Variants in DOCK8 observed in about 807,000 individuals in gnomAD.
DOCK8 encodes the protein dedicator of cytokinesis 8.
DOCK8 carries 141 observed loss-of-function variants against 245.6 expected under a neutral mutation model. That is an observed-to-expected ratio of 0.57 (90% confidence interval 0.50 to 0.66). The LOEUF (loss-of-function observed/expected upper bound fraction) is 0.66, where lower values mean the gene tolerates loss of function less well. DOCK8 is among the 30% of genes least tolerant of loss of function. The probability of loss-of-function intolerance (pLI) is 0.00; values close to 1 mark genes in which losing one functional copy is unlikely to be tolerated. For missense variants in DOCK8, 2,965 were observed against 2,603.4 expected (o/e 1.14, Z -3.02); for synonymous variants, 1,168 against 970.2 (o/e 1.20, Z -3.79).
intron 5 of DOCK8, among the ~76,000 whole-genome samples, chr9:309,583 A>G (rs1006025407): frequency 6.6e-6 from 1 of 152,218 alleles, no homozygotes; most frequent in African/African-American, 2.4e-5. Flanking sequence ...TCCTAATGGA[A>G]TAAAACATCC....
chr9:263,035 C>G (rs921220071), intron 1 of DOCK8, among the ~76,000 whole-genome samples: 1 of 152,076 alleles, frequency 6.6e-6, no homozygotes, highest in African/African-American at 2.4e-5. Context: ...GGTGAAACCC[C>G]GTCTTTACTA....
At chr9:412,947 A>G (rs1418609220) in intron 28 of DOCK8, among the ~76,000 whole-genome samples, 3 of 151,648 alleles carry the variant, frequency 2.0e-5, no homozygotes, top group Non-Finnish European at 4.4e-5. Flanking sequence ...GACCCAGTAT[A>G]GCCAAAACAA....
intron 28 of DOCK8, among the ~76,000 whole-genome samples, chr9:414,406 C>G (rs2055890808): frequency 6.6e-6 from 1 of 152,228 alleles, no homozygotes; most frequent in South Asian, 2.1e-4. Context: ...ACAGCAGACC[C>G]AGGGTTAGAA....
intron 32 of DOCK8, among the ~76,000 whole-genome samples, chr9:421,648 G>A (rs1419320004): frequency 6.6e-6 from 1 of 152,170 alleles, no homozygotes; most frequent in Non-Finnish European, 1.5e-5. Flanking sequence ...AAGTAAAACA[G>A]AGTGACAGCT....
chr9:222,699 C>A (rs1332735585), intron 1 of DOCK8, among the ~76,000 whole-genome samples: 1 of 152,160 alleles, frequency 6.6e-6, no homozygotes, highest in African/African-American at 2.4e-5. Flanking sequence ...TACATGCAAC[C>A]ATAAATGGTG....
chr9:274,339 A>G (rs183289393), intron 2 of DOCK8, among the ~76,000 whole-genome samples: 2 of 152,134 alleles, frequency 1.3e-5, no homozygotes, highest in East Asian at 1.9e-4. Flanking sequence ...AGAATATATT[A>G]CTCCCAGTTA....
intron 34 of DOCK8, 64 bp downstream of exon 34, chr9:427,045 T>A (rs942062903): frequency 2.9e-6 from 4 of 1,383,330 alleles, no homozygotes; most frequent in Non-Finnish European, 4.1e-6. Context: ...AATAAGGACT[T>A]CTTTATGCAA....
Position 386,556 on chromosome 9 carries a change from C to G in DOCK8, c.2874+130C>G, listed in dbSNP as rs7862253. Reference sequence around the variant, plus strand: ...CCCTGATGTGCTAACACACACACACCCCACACACACTTTTGCAGCCCTGTC... The same window carrying G: ...CCCTGATGTGCTAACACACACACACGCCACACACACTTTTGCAGCCCTGTC... On this transcript the variant is annotated intron_variant, in intron 23 of 47. Transcript: ENST00000432829. 4.0e-6 allele frequency: 3 copies of G among 757,372 alleles called. No individual in the cohort carries two copies. In the South Asian group the frequency reaches 4.4e-5, roughly 11 times the overall value. 46.9% of individuals were successfully genotyped at this position (757,372 alleles called of 1,614,324 possible). A position where few individuals can be genotyped will look rare whatever the true frequency, so the allele number is the denominator to read the frequency against.
chr9:331,158 C>G (rs10970790), intron 9 of DOCK8, among the ~76,000 whole-genome samples: 3,087 of 152,302 alleles, frequency 0.02, 38 homozygotes, highest in Middle Eastern at 0.061. Context: ...AGAATGGGGG[C>G]AGTGTTTATC....
At chr9:369,840 T>C (rs2053202425) in intron 15 of DOCK8, 1 of 255,772 alleles carries the variant, frequency 3.9e-6, no homozygotes, top group Non-Finnish European at 7.7e-6. Flanking sequence ...ATCTCACTCT[T>C]GCCCAGGCTG....
chr9:437,703 T>C (rs2056951108), intron 39 of DOCK8, among the ~76,000 whole-genome samples: 1 of 152,226 alleles, frequency 6.6e-6, no homozygotes, highest in African/African-American at 2.4e-5. Flanking sequence ...AAACTAGAGA[T>C]AAATAAATAT....
In DOCK8 at chr9:404,136, G is replaced by A. The variant is rs7851601; in HGVS notation, c.3235-782G>A. Among the ~76,000 whole-genome samples, 1,474 of 151,722 alleles carry A rather than the reference G, an allele frequency of 9.7e-3. 16 individuals are homozygous for A. Among genetic ancestry groups the A allele is most frequent in the African/African-American group, 0.033 (1,362 of 41,348 alleles). The stretch of plus-strand genomic sequence containing the variant: ...GATGAAATATTGAGGAGCTCAAGGT[G>A]CATCAGCGCCCCTTCCTTCCCCTAT... On this transcript the variant is annotated intron_variant, in intron 26 of 47. Coordinates refer to ENST00000432829, the MANE Select transcript of DOCK8 (RefSeq NM_203447.4).
chr9:312,009 C>G lies in DOCK8; in HGVS notation c.584C>G (p.Thr195Ser), dbSNP rs2130697575. 6.2e-7 allele frequency: 1 copy of G among 1,614,212 alleles called. No individual in the cohort carries two copies. The highest frequency in any genetic ancestry group is 2.2e-5 in the East Asian group (1 of 44,880). Residue 195 changes from threonine (T) to serine (S), a missense_variant, in exon 6 of 48, where the codon ACT becomes AGT. Physicochemically the swap from Thr to Ser is moderately conservative, Grantham distance 58. Around this residue, in one of 3 missense-constraint regions of DOCK8, gnomAD observed 2,825 missense variants for 2,453.5 expected, o/e 1.15. Transcript: ENST00000432829. ...LCDVSGKGPVTACDFDLRSLQ... is the reference protein window; with the variant it reads ...LCDVSGKGPVSACDFDLRSLQ... ...GACGTGTCTGGGAAAGGCCCCGTCA[C>G]TGCCTGTGACTTTGACCTCCGCAGC...
At chr9:221,880 T>C (rs1406469652) in intron 1 of DOCK8, among the ~76,000 whole-genome samples, 6 of 152,032 alleles carry the variant, frequency 3.9e-5, no homozygotes, top group Non-Finnish European at 8.8e-5. Flanking sequence ...AGCTGCATTA[T>C]AATTTACATA....
chr9:290,170 C>CA (rs1475835643), intron 4 of DOCK8, among the ~76,000 whole-genome samples: 4 of 152,146 alleles, frequency 2.6e-5, no homozygotes, highest in Admixed American at 6.5e-5. Flanking sequence ...GAATAGACTG[C>CA]AAGCTTGCCC....
chr9:352,364 C>T (rs993598745), intron 14 of DOCK8, among the ~76,000 whole-genome samples: 8 of 152,182 alleles, frequency 5.3e-5, no homozygotes, highest in Admixed American at 1.3e-4. Context: ...TTTTATGCAA[C>T]CTCTAACGTT....
At chr9:450,454 A>C (rs2057391713) in intron 45 of DOCK8, among the ~76,000 whole-genome samples, 1 of 152,190 alleles carries the variant, frequency 6.6e-6, no homozygotes, top group South Asian at 2.1e-4. Flanking sequence ...TCTTCCTATC[A>C]GACTTCTTAG....
rs777398486 is a variant in DOCK8 at position 414,805 on chromosome 9, C to T, written c.3554C>T (p.Ala1185Val). ...GEGISKVQRKAVSAIHSLLSS... is the reference protein window; with the variant it reads ...GEGISKVQRKVVSAIHSLLSS... ...AGAATCAGCAAAGTACAAAGGAAAG[C>T]TGTCAGTGCAATTCACAGCCTGCTA... The change falls in exon 29 of 48, where the codon GCT becomes GTT. Residue 1185 changes from alanine (A) to valine (V), a missense_variant. By Grantham distance (64) the Ala-to-Val change is moderately conservative (BLOSUM62 0). This residue lies in a region of DOCK8 where 2,825 missense variants were observed against 2,453.5 expected (regional missense o/e 1.15). Coordinates refer to ENST00000432829, the MANE Select transcript of DOCK8 (RefSeq NM_203447.4). 1 of 1,614,076 alleles carries T rather than the reference C, an allele frequency of 6.2e-7. No homozygotes were observed. The highest frequency in any genetic ancestry group is 8.5e-7 in the Non-Finnish European group (1 of 1,180,038).
At position 289,680 on chromosome 9, in the gene DOCK8, A is replaced by G; in HGVS notation, c.404+99A>G. 3 of 1,106,718 alleles carry G rather than the reference A, an allele frequency of 2.7e-6. No homozygotes were observed. In the East Asian group the frequency reaches 8.0e-5, roughly 30 times the overall value. The allele number at this position is 1,106,718 out of a possible 1,614,324, so 68.6% of individuals were successfully genotyped here. On this transcript the variant is annotated intron_variant, in intron 4 of 47. Transcript: ENST00000432829. ...ACTTTGAACAGTTCTAGGTTTACAGAAAAATTGCATGGCAAATAGAGTTCT... is the reference window on the plus strand; with the variant it reads ...ACTTTGAACAGTTCTAGGTTTACAGGAAAATTGCATGGCAAATAGAGTTCT...
Sources: gnomAD v4.1 joint callset for allele counts (sites outside exome capture counted in the v4.1 genomes callset) on GRCh38, gnomAD v4.1.1 for gene constraint, gnomAD v4.1.1 regional missense constraint, MANE v1.5 for transcripts, NCBI Gene and HGNC (gene_info 2026-07-23, HGNC 2026-07-21) for gene names.